XKR6: variants seen among roughly 807,000 people sequenced by gnomAD.
XKR6 encodes the protein XK related 6, also known as XK-related protein 6.
A neutral mutation model predicts 56.7 loss-of-function variants in XKR6; 22 were observed. The ratio of observed to expected loss-of-function variants is 0.39; its 90% CI spans 0.28 to 0.55. XKR6 has a LOEUF of 0.55. Among genes scored for constraint, XKR6 ranks in the 20% least tolerant of loss-of-function variants. The pLI is 0.66. For missense variants in XKR6, 852 were observed against 889.0 expected, an observed-to-expected ratio of 0.96 and a Z score of 0.53; for synonymous variants, 524 against 387.8, an observed-to-expected ratio of 1.35 and a Z score of -4.13.
chr8:11,076,471 G>A (rs1800277318), intron 1 of XKR6, among the ~76,000 whole-genome samples: 1 of 152,166 alleles, frequency 6.6e-6, no homozygotes, highest in Non-Finnish European at 1.5e-5. Context: ...ATCAGCAGAG[G>A]AGCAGTGACG....
At chr8:10,911,199 CGTGTGTGTGTGT>C (rs745616432) in intron 2 of XKR6, among the ~76,000 whole-genome samples, 9 of 126,286 alleles carry the variant, frequency 7.1e-5, no homozygotes, top group South Asian at 5.2e-4. Flanking sequence ...AGAGGGTGTG[CGTGTGTGTGTGT>C]GTGTGTGTGT....
At chr8:10,950,211 G>A (rs1801676167) in intron 1 of XKR6, among the ~76,000 whole-genome samples, 1 of 152,112 alleles carries the variant, frequency 6.6e-6, no homozygotes, top group East Asian at 1.9e-4. Flanking sequence ...CTCACCTCCT[G>A]CTGCCATTAC....
At chr8:11,167,829 C>T (rs1331919564) in intron 1 of XKR6, among the ~76,000 whole-genome samples, 4 of 149,950 alleles carry the variant, frequency 2.7e-5, no homozygotes, top group African/African-American at 9.8e-5. Context: ...TGTCAAAACA[C>T]TACCAGGCTA....
At chr8:10,998,668 A>G (rs1376354612) in intron 1 of XKR6, among the ~76,000 whole-genome samples, 1 of 152,176 alleles carries the variant, frequency 6.6e-6, no homozygotes, top group Non-Finnish European at 1.5e-5. Context: ...GGCTCTCTCC[A>G]GGTCACCCAG....
intron 1 of XKR6, among the ~76,000 whole-genome samples, chr8:10,990,868 T>C (rs970968229): frequency 2.8e-5 from 4 of 144,200 alleles, no homozygotes; most frequent in Admixed American, 2.1e-4. Context: ...CAGGTGTTCA[T>C]CACCATGCCC....
chr8:11,007,389 G>A (rs747674803), intron 1 of XKR6, among the ~76,000 whole-genome samples: 1 of 152,214 alleles, frequency 6.6e-6, no homozygotes, highest in Non-Finnish European at 1.5e-5. Flanking sequence ...TAATGTGCAA[G>A]CTTCTGTCGC....
chr8:11,148,057 A>C (rs1801078694), intron 1 of XKR6, among the ~76,000 whole-genome samples: 2 of 152,014 alleles, frequency 1.3e-5, no homozygotes, highest in Non-Finnish European at 2.9e-5. Flanking sequence ...TAAAAATACA[A>C]AAATTAGCTG....
chr8:11,132,255 T>C (rs1486058793), intron 1 of XKR6, among the ~76,000 whole-genome samples: 2 of 152,160 alleles, frequency 1.3e-5, no homozygotes, highest in Non-Finnish European at 2.9e-5. Context: ...TGCATCACAG[T>C]CACAGGTGGT....
At chr8:11,129,178 G>A (rs758575969) in intron 1 of XKR6, 8 of 355,052 alleles carry the variant, frequency 2.3e-5, no homozygotes, top group Admixed American at 1.9e-4. Context: ...ACTAGACAGA[G>A]GTGATGGTTG....
At chr8:11,003,740 A>T (rs1360283372) in intron 1 of XKR6, among the ~76,000 whole-genome samples, 1 of 152,222 alleles carries the variant, frequency 6.6e-6, no homozygotes, top group African/African-American at 2.4e-5. Flanking sequence ...TCTTTCTGTC[A>T]TTCCAAGCTG....
intron 1 of XKR6, among the ~76,000 whole-genome samples, chr8:11,127,822 G>C (rs935717739): frequency 3.9e-5 from 6 of 152,082 alleles, no homozygotes. Flanking sequence ...CGCCATTAAT[G>C]TGTCTACCCC....
At chr8:10,902,688 T>C (rs908984742) in intron 2 of XKR6, among the ~76,000 whole-genome samples, 1 of 152,260 alleles carries the variant, frequency 6.6e-6, no homozygotes, top group Non-Finnish European at 1.5e-5. Context: ...ATGCTCCAAA[T>C]AGTGAAAGGA....
chr8:11,080,853 C>A (rs973802518), intron 1 of XKR6, among the ~76,000 whole-genome samples: 12 of 152,370 alleles, frequency 7.9e-5, no homozygotes, highest in Admixed American at 6.5e-4. Context: ...CCGGTCGAAG[C>A]TGCCAACCTC....
intron 1 of XKR6, chr8:11,106,327 G>C (rs1798674109): frequency 6.6e-6 from 1 of 152,044 alleles, no homozygotes; most frequent in South Asian, 2.1e-4. Flanking sequence ...TCATACATGG[G>C]TCTCTTCAAC....
chr8:10,969,561 C>T (rs937947712), intron 1 of XKR6, among the ~76,000 whole-genome samples: 1 of 152,186 alleles, frequency 6.6e-6, no homozygotes, highest in Non-Finnish European at 1.5e-5. Context: ...AAGGGGAAAT[C>T]AAGAGAATGC....
At chr8:11,150,250 A>G (rs923222091) in intron 1 of XKR6, among the ~76,000 whole-genome samples, 23 of 152,230 alleles carry the variant, frequency 1.5e-4, no homozygotes, top group Admixed American at 1.5e-3. Context: ...CACCAAACAC[A>G]GAAATGATAA....
chr8:11,035,180 C>A (rs748458684), intron 1 of XKR6: 9 of 534,500 alleles, frequency 1.7e-5, no homozygotes, highest in Admixed American at 3.9e-5. Flanking sequence ...CCCAGCCCAG[C>A]GTGGGTGCAA....
intron 1 of XKR6, among the ~76,000 whole-genome samples, chr8:11,008,409 C>G (rs1444409961): frequency 6.7e-6 from 1 of 148,666 alleles, no homozygotes; most frequent in East Asian, 2.0e-4. Flanking sequence ...CTAAAGGGGG[C>G]TCCCCAGGCT....
chr8:11,120,736 C>G (rs1463909869), intron 1 of XKR6, among the ~76,000 whole-genome samples: 2 of 152,162 alleles, frequency 1.3e-5, no homozygotes, highest in African/African-American at 2.4e-5. Context: ...CAAGTCAATC[C>G]TAAGCAAAAA....
Sources: gnomAD v4.1 joint callset for allele counts (sites outside exome capture counted in the v4.1 genomes callset) on GRCh38, gnomAD v4.1.1 for gene constraint, MANE v1.5 for transcripts, NCBI Gene and HGNC (gene_info 2026-07-23, HGNC 2026-07-21) for gene names.